COMMD10: variants seen among roughly 807,000 people sequenced by gnomAD.
The protein encoded by COMMD10 is COMM domain containing 10.
A neutral mutation model predicts 28.9 loss-of-function variants in COMMD10; 33 were observed. The ratio of observed to expected loss-of-function variants is 1.14; its 90% confidence interval spans 0.87 to 1.53. The LOEUF (loss-of-function observed/expected upper bound fraction) is 1.53, where lower values mean the gene tolerates loss of function less well. Among genes scored for constraint, COMMD10 ranks in the 40% most tolerant of loss-of-function variants. COMMD10 has a pLI of 0.00. For missense variants in COMMD10, 310 were observed against 233.4 expected (o/e 1.33, Z -2.14); for synonymous variants, 110 against 81.7 (o/e 1.35, Z -1.87).
chr5:116,089,279 A>C (rs900926224), intron 2 of COMMD10, among the ~76,000 whole-genome samples: 1 of 152,184 alleles, frequency 6.6e-6, no homozygotes, highest in Non-Finnish European at 1.5e-5. Flanking sequence ...CAAGATAGAG[A>C]TAGAGATCAG....
At chr5:116,234,664 A>G (rs899864056) in intron 5 of COMMD10, among the ~76,000 whole-genome samples, 1 of 152,218 alleles carries the variant, frequency 6.6e-6, no homozygotes, top group Non-Finnish European at 1.5e-5. Context: ...TTTGGCTGCA[A>G]CTGCATTCAT....
chr5:116,287,446 A>G, intron 5 of COMMD10, among the ~76,000 whole-genome samples: 1 of 151,510 alleles, frequency 6.6e-6, no homozygotes, highest in East Asian at 1.9e-4. Context: ...CCATCCTTTC[A>G]CTTTCAGCCT....
chr5:116,180,730 A>G lies in COMMD10; in HGVS notation c.510+46552A>G, dbSNP rs147179631. 4.0e-3 allele frequency among the ~76,000 whole-genome samples: 609 copies of G among 152,254 alleles called. 7 individuals carry two copies. Among genetic ancestry groups the G allele is most frequent in the Middle Eastern group, 0.02 (6 of 294 alleles). ...TATATTCTTAAAACTATTTTTATAA[A>G]ATCAATTTTTTTGACTTGGGATCAT... On this transcript the variant is annotated intron_variant, in intron 5 of 6. Coordinates refer to ENST00000274458, the MANE Select transcript of COMMD10 (RefSeq NM_016144.4).
intron 5 of COMMD10, among the ~76,000 whole-genome samples, chr5:116,210,998 ATAT>A (rs1268713417): frequency 6.6e-6 from 1 of 152,208 alleles, no homozygotes; most frequent in Admixed American, 6.5e-5. Flanking sequence ...ATTGTGTTTA[ATAT>A]TATTTCGGTT....
At chr5:116,211,335 G>A (rs1323373572) in intron 5 of COMMD10, among the ~76,000 whole-genome samples, 5 of 152,014 alleles carry the variant, frequency 3.3e-5, no homozygotes, top group Admixed American at 2.0e-4. Context: ...ATATCATATA[G>A]CCTGTTACTC....
intron 5 of COMMD10, among the ~76,000 whole-genome samples, chr5:116,150,563 G>T (rs1752491450): frequency 7.1e-6 from 1 of 140,256 alleles, no homozygotes; most frequent in African/African-American, 2.9e-5. Context: ...TCCTTGAAGA[G>T]GTCCTTCACA....
At chr5:116,133,535 T>C (rs1354190729) in intron 4 of COMMD10, among the ~76,000 whole-genome samples, 3 of 152,220 alleles carry the variant, frequency 2.0e-5, no homozygotes, top group African/African-American at 4.8e-5. Flanking sequence ...AATCTCATTG[T>C]GTCTAAAGGT....
At chr5:116,244,678 A>G (rs1749896911) in intron 5 of COMMD10, among the ~76,000 whole-genome samples, 4 of 144,888 alleles carry the variant, frequency 2.8e-5, no homozygotes, top group Non-Finnish European at 6.0e-5. Flanking sequence ...AAAAAAAAAA[A>G]GAAAACAGCC....
chr5:116,290,444 G>A (rs1034747827), intron 5 of COMMD10, among the ~76,000 whole-genome samples: 3 of 151,866 alleles, frequency 2.0e-5, no homozygotes, highest in Non-Finnish European at 4.4e-5. Context: ...TTCATGAAGA[G>A]TGAGATGCAT....
intron 4 of COMMD10, among the ~76,000 whole-genome samples, chr5:116,127,159 A>G (rs1047050444): frequency 6.6e-6 from 1 of 152,250 alleles, no homozygotes; most frequent in Non-Finnish European, 1.5e-5. Flanking sequence ...TATGCAGCCA[A>G]CAGACACATG....
chr5:116,101,725 TTC>T (rs1328492584), intron 4 of COMMD10, among the ~76,000 whole-genome samples: 5 of 152,154 alleles, frequency 3.3e-5, no homozygotes, highest in Non-Finnish European at 5.9e-5. Context: ...CGCCCGGACT[TTC>T]TTCACTTTTT....
chr5:116,267,845 G>A (rs1031549350), intron 5 of COMMD10, among the ~76,000 whole-genome samples: 2 of 151,820 alleles, frequency 1.3e-5, no homozygotes, highest in Admixed American at 6.6e-5. Flanking sequence ...ACAAGCAATG[G>A]GGAAAGGATT....
At chr5:116,251,002 C>G (rs573708820) in intron 5 of COMMD10, among the ~76,000 whole-genome samples, 2 of 152,042 alleles carry the variant, frequency 1.3e-5, no homozygotes, top group South Asian at 4.2e-4. Context: ...CCTACCAGTT[C>G]CTGCCTTAAG....
intron 5 of COMMD10, among the ~76,000 whole-genome samples, chr5:116,258,623 T>TA (rs1165207213): frequency 6.6e-6 from 1 of 151,850 alleles, no homozygotes; most frequent in Non-Finnish European, 1.5e-5. Flanking sequence ...TCTTTGAAAA[T>TA]ACTATTCTAT....
intron 5 of COMMD10, among the ~76,000 whole-genome samples, chr5:116,237,493 T>C (rs1580572134): frequency 6.6e-6 from 1 of 152,132 alleles, no homozygotes; most frequent in East Asian, 1.9e-4. Flanking sequence ...CAAGCTTTTA[T>C]TTTAAAATGT....
intron 5 of COMMD10, among the ~76,000 whole-genome samples, chr5:116,276,586 A>G (rs187464027): frequency 2.5e-3 from 384 of 151,922 alleles, no homozygotes; most frequent in Non-Finnish European, 4.3e-3. Flanking sequence ...TAGCATTATC[A>G]TATATTATGT....
chr5:116,186,951 A>G (rs1343982709), intron 5 of COMMD10, among the ~76,000 whole-genome samples: 1 of 152,200 alleles, frequency 6.6e-6, no homozygotes, highest in Non-Finnish European at 1.5e-5. Flanking sequence ...TGCTTTAAAA[A>G]TAACTAGAAA....
chr5:116,188,503 C>T (rs760544169), intron 5 of COMMD10: 1 of 152,066 alleles, frequency 6.6e-6, no homozygotes, highest in Non-Finnish European at 1.5e-5. Context: ...TGCTAATCTT[C>T]CCTTTGTCTT....
At chr5:116,203,517 G>A (rs1229746051) in intron 5 of COMMD10, among the ~76,000 whole-genome samples, 2 of 152,094 alleles carry the variant, frequency 1.3e-5, no homozygotes, top group Admixed American at 6.5e-5. Context: ...ACAAAGGGAA[G>A]CCCATCAGAC....
Sources: gnomAD v4.1 joint callset for allele counts (sites outside exome capture counted in the v4.1 genomes callset) on GRCh38, gnomAD v4.1.1 for gene constraint, MANE v1.5 for transcripts, NCBI Gene and HGNC (gene_info 2026-07-23, HGNC 2026-07-21) for gene names.